ABCC1: variants seen among roughly 807,000 people sequenced by gnomAD.
ABCC1 encodes multidrug resistance-associated protein 1.
A neutral mutation model predicts 172.9 loss-of-function variants in ABCC1; 83 were observed. The observed-to-expected ratio is 0.48, with a 90% confidence interval of 0.40 to 0.58. The LOEUF (loss-of-function observed/expected upper bound fraction) is 0.58. Ranked by LOEUF, ABCC1 falls within the 20% of genes least tolerant of loss-of-function variation. ABCC1 has a pLI of 0.00. For missense variants in ABCC1, 1,817 were observed against 2,002.7 expected, an observed-to-expected ratio of 0.91 and a Z score of 1.77; for synonymous variants, 937 against 825.2, an observed-to-expected ratio of 1.14 and a Z score of -2.32.
chr16:16,056,762 C>T (rs2049673321), intron 12 of ABCC1, among the ~76,000 whole-genome samples: 1 of 152,202 alleles, frequency 6.6e-6, no homozygotes, highest in Admixed American at 6.5e-5. Flanking sequence ...TTGTTTTATT[C>T]ACACTTAGCA....
At chr16:16,124,148 C>T (rs1017483650) in intron 24 of ABCC1, among the ~76,000 whole-genome samples, 16 of 152,150 alleles carry the variant, frequency 1.1e-4, no homozygotes, top group African/African-American at 3.9e-4. Flanking sequence ...ACTAGTTACG[C>T]ACTCCCCTCC....
At chr16:16,138,673 T>A in intron 30 of ABCC1, 115 bp downstream of exon 30, 1 of 717,354 alleles carries the variant, frequency 1.4e-6, no homozygotes, top group Non-Finnish European at 2.0e-6. Flanking sequence ...ACAGCCCCAG[T>A]GGGTGGATCC....
intron 12 of ABCC1, among the ~76,000 whole-genome samples, chr16:16,065,105 A>G (rs890956750): frequency 6.6e-6 from 1 of 152,280 alleles, no homozygotes; most frequent in Non-Finnish European, 1.5e-5. Context: ...AGGTGGGATA[A>G]CCATGGAGGC....
intron 1 of ABCC1, among the ~76,000 whole-genome samples, chr16:15,968,630 G>C (rs2151526430): frequency 6.6e-6 from 1 of 152,238 alleles, no homozygotes; most frequent in Non-Finnish European, 1.5e-5. Flanking sequence ...ACCTGCCGCA[G>C]CCTCCCAAAG....
intron 28 of ABCC1, among the ~76,000 whole-genome samples, chr16:16,135,470 T>C (rs1052158765): frequency 6.6e-6 from 1 of 152,188 alleles, no homozygotes; most frequent in African/African-American, 2.4e-5. Flanking sequence ...CTTTTTTTTC[T>C]TTTTTTAACT....
chr16:15,949,879 C>T, intron 1 of ABCC1, 80 bp downstream of exon 1: 1 of 1,118,200 alleles, frequency 8.9e-7, no homozygotes, highest in East Asian at 3.8e-5. Context: ...CGCAGCCGCC[C>T]GGGGCACCCC....
chr16:16,102,862 G>A, intron 20 of ABCC1, 145 bp downstream of exon 20: 1 of 747,704 alleles, frequency 1.3e-6, no homozygotes, highest in Non-Finnish European at 2.2e-6. Context: ...CAAGGACCTT[G>A]CTTTTCAGAG....
chr16:16,041,469 C>G (rs1797824713), intron 7 of ABCC1, among the ~76,000 whole-genome samples: 1 of 152,082 alleles, frequency 6.6e-6, no homozygotes, highest in Non-Finnish European at 1.5e-5. Flanking sequence ...TTTAGAGATC[C>G]TCAGCGTGGA....
intron 1 of ABCC1, among the ~76,000 whole-genome samples, chr16:15,980,303 G>T (rs559107200): frequency 1.3e-5 from 2 of 152,046 alleles, no homozygotes; most frequent in Non-Finnish European, 2.9e-5. Flanking sequence ...CCAGGAGTTC[G>T]AGACCAGCCT....
At chr16:16,112,975 C>G (rs1416111978) in intron 22 of ABCC1, among the ~76,000 whole-genome samples, 1 of 152,190 alleles carries the variant, frequency 6.6e-6, no homozygotes, top group African/African-American at 2.4e-5. Context: ...TTACTTGAGC[C>G]CCTGCCTATT....
intron 29 of ABCC1, 114 bp from the exon 30 acceptor site, chr16:16,138,250 T>A (rs2045989873): frequency 3.1e-6 from 3 of 954,518 alleles, no homozygotes; most frequent in Non-Finnish European, 4.6e-6. Context: ...GGACATGCTT[T>A]CCTGGTCAAG....
chr16:16,015,712 C>G (rs943699441), intron 4 of ABCC1, among the ~76,000 whole-genome samples: 1 of 152,152 alleles, frequency 6.6e-6, no homozygotes, highest in Non-Finnish European at 1.5e-5. Context: ...GGATTGGAGA[C>G]TCGTTGGTTG....
At chr16:16,106,327 T>A (rs1176622669) in intron 20 of ABCC1, among the ~76,000 whole-genome samples, 2 of 151,796 alleles carry the variant, frequency 1.3e-5, no homozygotes, top group African/African-American at 4.8e-5. Flanking sequence ...TGAATCTTTT[T>A]CATGTTTGAA....
At chr16:15,992,904 C>T (rs997665034) in intron 1 of ABCC1, among the ~76,000 whole-genome samples, 1 of 152,114 alleles carries the variant, frequency 6.6e-6, no homozygotes, top group Non-Finnish European at 1.5e-5. Context: ...CCCCACCCCA[C>T]CCCACTGTGG....
At position 15,960,080 on chromosome 16, in the gene ABCC1, A is replaced by T. The variant is rs45454492; in HGVS notation, c.48+10281A>T. On this transcript the variant is annotated intron_variant, in intron 1 of 30. Transcript: ENST00000399410. Reference sequence around the variant, plus strand: ...TGTGTGATGTCTAAGTCTTCCCAGTACAAGAAATTTGTGTGGTGTTTGACT... The same window carrying T: ...TGTGTGATGTCTAAGTCTTCCCAGTTCAAGAAATTTGTGTGGTGTTTGACT... Among the ~76,000 whole-genome samples the T allele has an allele frequency of 5.2e-3, 790 of 152,256 alleles. 9 individuals carry two copies. Among genetic ancestry groups the T allele is most frequent in the African/African-American group, 0.018 (727 of 41,538 alleles).
chr16:15,978,790 T>A (rs1022541978), intron 1 of ABCC1, among the ~76,000 whole-genome samples: 1 of 152,114 alleles, frequency 6.6e-6, no homozygotes, highest in Admixed American at 6.5e-5. Flanking sequence ...AGGACGTTCA[T>A]TGATGTCTAG....
intron 1 of ABCC1, among the ~76,000 whole-genome samples, chr16:15,976,785 A>T (rs528073109): frequency 1.3e-5 from 2 of 152,306 alleles, no homozygotes; most frequent in Non-Finnish European, 2.9e-5. Flanking sequence ...TATCTTCCCA[A>T]CATTGTGTGC....
intron 22 of ABCC1, among the ~76,000 whole-genome samples, 188 bp from the exon 23 acceptor site, chr16:16,114,578 T>A (rs1237673940): frequency 1.3e-5 from 2 of 152,120 alleles, no homozygotes; most frequent in Non-Finnish European, 2.9e-5. Context: ...TGACCTCAAG[T>A]GATCCACCCA....
At chr16:16,009,286 G>GT (rs1335380228) in intron 2 of ABCC1, among the ~76,000 whole-genome samples, 1 of 152,016 alleles carries the variant, frequency 6.6e-6, no homozygotes, top group Non-Finnish European at 1.5e-5. Flanking sequence ...TGCTACATTT[G>GT]TTTTATCATG....
Sources: allele counts gnomAD v4.1 joint callset (sites outside exome capture counted in the v4.1 genomes callset), GRCh38; gene constraint gnomAD v4.1.1; transcripts MANE v1.5; gene names NCBI Gene and HGNC (gene_info 2026-07-23, HGNC 2026-07-21).